MPRIP: variants seen among roughly 807,000 people sequenced by gnomAD.
MPRIP encodes myosin phosphatase Rho-interacting protein.
In MPRIP, 59 loss-of-function variants were observed where a neutral mutation model predicts 234.9. That is an observed-to-expected ratio of 0.25 (90% CI 0.20 to 0.31). The LOEUF (loss-of-function observed/expected upper bound fraction) is 0.31. Among genes scored for constraint, MPRIP ranks in the 10% least tolerant of loss-of-function variants. The pLI, the probability that MPRIP is intolerant of heterozygous loss-of-function variation, is 1.00. For missense variants in MPRIP, 2,436 were observed against 3,071.0 expected, an observed-to-expected ratio of 0.79 and a Z score of 4.89; for synonymous variants, 1,144 against 1,263.9, an observed-to-expected ratio of 0.91 and a Z score of 2.01.
intron 1 of MPRIP, among the ~76,000 whole-genome samples, chr17:17,052,710 A>C (rs1597718153): frequency 1.3e-5 from 2 of 151,852 alleles, no homozygotes; most frequent in Non-Finnish European, 2.9e-5. Flanking sequence ...CCAGATCTTC[A>C]CCTCTCCTCA....
In MPRIP at chr17:17,190,068, G is replaced by C. The variant is rs945535482; in HGVS notation, c.*5174G>C. On this transcript the variant is annotated 3_prime_UTR_variant, in exon 24 of 24. Coordinates refer to ENST00000651222, the MANE Select transcript of MPRIP (RefSeq NM_001364716.4). ...GAGAGGTTCCTAGCCCGCTCAGCGC[G>C]AGCGTCTCCAGTAGGTAATAGCAGC... 1 of 152,232 alleles carries C rather than the reference G, an allele frequency of 6.6e-6. No individual in the cohort carries two copies. The highest frequency in any genetic ancestry group is 1.9e-4 in the East Asian group (1 of 5,200). The allele number at this position is 152,232 out of a possible 1,614,324, so 9.4% of individuals were successfully genotyped here. A position where few individuals can be genotyped will look rare whatever the true frequency, so the allele number is the denominator to read the frequency against.
intron 3 of MPRIP, among the ~76,000 whole-genome samples, chr17:17,103,708 G>C (rs546652574): frequency 6.6e-6 from 1 of 152,200 alleles, no homozygotes; most frequent in Admixed American, 6.5e-5. Flanking sequence ...CATCAGGGGT[G>C]GGGGCTGAAA....
intron 15 of MPRIP, among the ~76,000 whole-genome samples, chr17:17,162,898 C>G (rs1274183211): frequency 6.6e-6 from 1 of 152,174 alleles, no homozygotes; most frequent in African/African-American, 2.4e-5. Context: ...AAGGGATACT[C>G]AACTTGTACT....
At chr17:17,130,582 C>T (rs546535522) in intron 4 of MPRIP, among the ~76,000 whole-genome samples, 13 of 152,234 alleles carry the variant, frequency 8.5e-5, no homozygotes, top group Middle Eastern at 3.4e-3. Context: ...TACAGACCCC[C>T]CCATCCCCAA....
At chr17:17,083,682 C>T (rs1297017230) in intron 3 of MPRIP, among the ~76,000 whole-genome samples, 8 of 152,116 alleles carry the variant, frequency 5.3e-5, no homozygotes, top group Non-Finnish European at 1.2e-4. Flanking sequence ...ATCTGCAGGG[C>T]GAGGCTGGGA....
Position 17,164,621 on chromosome 17 carries a change from G to C in MPRIP, c.3030G>C (p.Ala1010=). ...LSQQLGASEQ[A]QRLMEEKLQR... Reference sequence around the variant, plus strand: ...AGCAACTGGGCGCCAGTGAGCAGGCGCAGCGGCTGATGGAGGAGAAGCTGC... The same window carrying C: ...AGCAACTGGGCGCCAGTGAGCAGGCCCAGCGGCTGATGGAGGAGAAGCTGC... The change falls in exon 16 of 24, where the codon GCG becomes GCC. Residue 1010 remains alanine (A), a synonymous_variant. Coordinates refer to ENST00000651222, the MANE Select transcript of MPRIP (RefSeq NM_001364716.4). 1 of 1,219,666 alleles carries C rather than the reference G, an allele frequency of 8.2e-7. No individual in the cohort carries two copies. The highest frequency in any genetic ancestry group is 1.1e-6 in the Non-Finnish European group (1 of 950,728). 75.6% of individuals were successfully genotyped at this position (1,219,666 alleles called of 1,614,324 possible).
intron 3 of MPRIP, among the ~76,000 whole-genome samples, chr17:17,088,344 G>C (rs796756841): frequency 1.3e-5 from 2 of 152,192 alleles, no homozygotes; most frequent in Non-Finnish European, 2.9e-5. Context: ...GTGAAGGCTC[G>C]TGATAACGTA....
At chr17:17,118,934 G>C (rs1437086508) in intron 3 of MPRIP, among the ~76,000 whole-genome samples, 1 of 152,174 alleles carries the variant, frequency 6.6e-6, no homozygotes, top group Non-Finnish European at 1.5e-5. Flanking sequence ...GTAGTCACCA[G>C]CACCTCCTCA....
At chr17:17,161,850 A>C (rs1327388070) in intron 15 of MPRIP, among the ~76,000 whole-genome samples, 1 of 151,882 alleles carries the variant, frequency 6.6e-6, no homozygotes, top group Non-Finnish European at 1.5e-5. Flanking sequence ...CACACCTGGC[A>C]GGCAGAGCTG....
intron 2 of MPRIP, among the ~76,000 whole-genome samples, chr17:17,076,668 C>T (rs906066964): frequency 6.6e-6 from 1 of 152,202 alleles, no homozygotes; most frequent in African/African-American, 2.4e-5. Flanking sequence ...CAGCCCTCTA[C>T]AAGGCCTCTT....
At chr17:17,105,601 G>T (rs1477642268) in intron 3 of MPRIP, among the ~76,000 whole-genome samples, 1 of 152,180 alleles carries the variant, frequency 6.6e-6, no homozygotes, top group Non-Finnish European at 1.5e-5. Context: ...GGCCACTGAG[G>T]CAGAGGAGGG....
chr17:17,048,687 T>C (rs1009355719), intron 1 of MPRIP, among the ~76,000 whole-genome samples: 22 of 152,106 alleles, frequency 1.4e-4, no homozygotes, highest in Admixed American at 4.6e-4. Context: ...GAATATAACA[T>C]GTTGGCGAGG....
At chr17:17,051,497 G>A (rs2088539338) in intron 1 of MPRIP, among the ~76,000 whole-genome samples, 1 of 152,224 alleles carries the variant, frequency 6.6e-6, no homozygotes, top group African/African-American at 2.4e-5. Context: ...GCAGCTCTGG[G>A]CAAGGCAGCC....
chr17:17,126,978 T>C (rs905297924), intron 4 of MPRIP, 125 bp downstream of exon 4: 1 of 1,193,896 alleles, frequency 8.4e-7, no homozygotes, highest in Non-Finnish European at 1.2e-6. Context: ...ATTCTTGGGC[T>C]CTGTCTCTGT....
chr17:17,148,131 T>C (rs113307501), intron 11 of MPRIP, among the ~76,000 whole-genome samples: 13,092 of 152,222 alleles, frequency 0.086, 718 homozygotes, highest in Middle Eastern at 0.16. Context: ...TCTGAGCCAG[T>C]CTTTACAGAC....
chr17:17,104,776 A>G (rs1307987224), intron 3 of MPRIP, among the ~76,000 whole-genome samples: 4 of 152,150 alleles, frequency 2.6e-5, no homozygotes, highest in Non-Finnish European at 4.4e-5. Context: ...CCACGCTTCC[A>G]GTCTCCCTTC....
chr17:17,129,772 C>A (rs2090561286), intron 4 of MPRIP, among the ~76,000 whole-genome samples: 1 of 152,234 alleles, frequency 6.6e-6, no homozygotes, highest in Non-Finnish European at 1.5e-5. Flanking sequence ...GGGTACCTGG[C>A]AGGGTTCTGC....
At chr17:17,175,785 G>C (rs1313517669) in intron 20 of MPRIP, among the ~76,000 whole-genome samples, 1 of 152,250 alleles carries the variant, frequency 6.6e-6, no homozygotes, top group Non-Finnish European at 1.5e-5. Context: ...GGATTCTGGA[G>C]TATAGGGTGT....
intron 3 of MPRIP, chr17:17,097,289 T>A (rs990034659): frequency 3.3e-5 from 5 of 153,388 alleles, no homozygotes; most frequent in African/African-American, 1.2e-4. Flanking sequence ...TGTGCTTATG[T>A]AAGACCTAAA....
Sources: allele counts gnomAD v4.1 joint callset (sites outside exome capture counted in the v4.1 genomes callset), GRCh38; gene constraint gnomAD v4.1.1; transcripts MANE v1.5; gene names NCBI Gene and HGNC (gene_info 2026-07-23, HGNC 2026-07-21).